Variants in SGCD observed in about 807,000 individuals in gnomAD.
SGCD encodes the protein delta-sarcoglycan.
In SGCD, 18 loss-of-function variants were observed where a neutral mutation model predicts 36.6. The ratio of observed to expected loss-of-function variants is 0.49; its 90% CI spans 0.34 to 0.73. The LOEUF (loss-of-function observed/expected upper bound fraction) is 0.73, where lower values mean the gene tolerates loss of function less well. SGCD is among the 30% of genes least tolerant of loss of function. The probability of loss-of-function intolerance (pLI) is 0.01; values close to 1 mark genes in which losing one functional copy is unlikely to be tolerated. For synonymous variants in SGCD, 133 were observed against 130.6 expected (o/e 1.02, Z -0.12); for missense variants, 387 against 346.7 (o/e 1.12, Z -0.92).
intron 6 of SGCD, among the ~76,000 whole-genome samples, chr5:156,617,766 A>C (rs1280626602): frequency 1.3e-5 from 2 of 152,190 alleles, no homozygotes; most frequent in African/African-American, 4.8e-5. Flanking sequence ...CTTTATCTGA[A>C]GAAGGCTCCA....
At chr5:155,922,632 G>A (rs576720617) in intron 1 of SGCD, among the ~76,000 whole-genome samples, 10 of 152,268 alleles carry the variant, frequency 6.6e-5, no homozygotes, top group African/African-American at 2.4e-4. Flanking sequence ...CAATATTTCT[G>A]AGTGGCTTGA....
intron 3 of SGCD, among the ~76,000 whole-genome samples, chr5:156,401,003 C>T (rs1262483472): frequency 6.6e-6 from 1 of 152,162 alleles, no homozygotes; most frequent in Non-Finnish European, 1.5e-5. Context: ...TCATTCAGCT[C>T]AATGCTGATT....
chr5:155,931,074 TA>T (rs1757090181), intron 1 of SGCD, among the ~76,000 whole-genome samples: 1 of 152,180 alleles, frequency 6.6e-6, no homozygotes, highest in South Asian at 2.1e-4. Flanking sequence ...ATGGGTTTTT[TA>T]ATATGTTGAT....
chr5:156,569,428 C>T (rs1030860947), intron 4 of SGCD, among the ~76,000 whole-genome samples: 3 of 151,966 alleles, frequency 2.0e-5, no homozygotes, highest in Non-Finnish European at 4.4e-5. Flanking sequence ...CCTGTCTCTA[C>T]TAAAAATACA....
At chr5:155,853,994 T>C in the SGCD span, among the ~76,000 whole-genome samples, 1 of 152,240 alleles carries the variant, frequency 6.6e-6, no homozygotes, top group Non-Finnish European at 1.5e-5. Context: ...GCCTTCTTCA[T>C]GTACACTTCT....
At chr5:155,772,826 C>T in the SGCD span, among the ~76,000 whole-genome samples, 3 of 152,036 alleles carry the variant, frequency 2.0e-5, no homozygotes, top group East Asian at 3.9e-4. Flanking sequence ...CCTACTAACC[C>T]CTATTGAAAT....
chr5:155,729,591 T>C, the SGCD span, among the ~76,000 whole-genome samples: 2 of 152,160 alleles, frequency 1.3e-5, no homozygotes, highest in Non-Finnish European at 2.9e-5. Flanking sequence ...GGGCGCACAA[T>C]ACAGGGTGTC....
At chr5:156,119,696 C>T (rs1231383195) in intron 2 of SGCD, among the ~76,000 whole-genome samples, 1 of 152,110 alleles carries the variant, frequency 6.6e-6, no homozygotes, top group Non-Finnish European at 1.5e-5. Context: ...ATACCTTCTG[C>T]TGCTCCCACT....
chr5:156,098,530 A>T (rs1320676828), intron 1 of SGCD, among the ~76,000 whole-genome samples: 3 of 152,062 alleles, frequency 2.0e-5, no homozygotes, highest in African/African-American at 7.2e-5. Flanking sequence ...GTTTATATAG[A>T]GTATTACACA....
chr5:155,993,426 C>T (rs534764305), intron 1 of SGCD, among the ~76,000 whole-genome samples: 1 of 150,162 alleles, frequency 6.7e-6, no homozygotes, highest in African/African-American at 2.5e-5. Context: ...CTTACTGCAA[C>T]CTCTGCCTCC....
intron 1 of SGCD, among the ~76,000 whole-genome samples, chr5:155,915,072 T>A (rs1756708311): frequency 6.6e-6 from 1 of 152,140 alleles, no homozygotes; most frequent in South Asian, 2.1e-4. Flanking sequence ...GAAGATGCAA[T>A]CCCTGCTCTT....
chr5:156,133,094 C>T (rs74441896), intron 3 of SGCD, among the ~76,000 whole-genome samples: 3,065 of 152,184 alleles, frequency 0.02, 44 homozygotes, highest in Non-Finnish European at 0.034. Context: ...TCAATTTCCT[C>T]GAATGTAAAA....
chr5:156,744,240 C>T (rs1286139085), intron 7 of SGCD, among the ~76,000 whole-genome samples: 3 of 152,158 alleles, frequency 2.0e-5, no homozygotes, highest in Non-Finnish European at 4.4e-5. Context: ...TCCCAAAATC[C>T]TTCCCTGAGT....
chr5:156,423,400 ATT>A lies in SGCD; in HGVS notation c.192+78724_192+78725del, dbSNP rs1561685997. 4.9e-4 allele frequency among the ~76,000 whole-genome samples: 45 copies of A among 91,954 alleles called. 2 individuals are homozygous for A. The highest frequency in any genetic ancestry group is 2.0e-3 in the African/African-American group (41 of 20,772). The allele number at this position is 91,954 out of a possible 152,430, so 60.3% of individuals were successfully genotyped here. On this transcript the variant is annotated intron_variant, in intron 3 of 8. Coordinates refer to ENST00000337851, the MANE Select transcript of SGCD (RefSeq NM_000337.6). Reference sequence around the variant, plus strand: ...ATTATAATATAATATATTATATTTTATTATAATATAATATATTATATTTTAAT... The same window carrying A: ...ATTATAATATAATATATTATATTTTAATAATATAATATATTATATTTTAAT...
At chr5:156,113,875 T>TAA (rs1761849292) in intron 1 of SGCD, among the ~76,000 whole-genome samples, 1 of 152,172 alleles carries the variant, frequency 6.6e-6, no homozygotes. Flanking sequence ...GGAGGAACCT[T>TAA]AAAAGTGTAT....
At chr5:155,821,930 G>T in the SGCD span, among the ~76,000 whole-genome samples, 3 of 152,184 alleles carry the variant, frequency 2.0e-5, no homozygotes, top group Non-Finnish European at 4.4e-5. Context: ...CTATATGATG[G>T]TTACTACATG....
chr5:155,974,912 T>C (rs1487628865), intron 1 of SGCD, among the ~76,000 whole-genome samples: 1 of 152,056 alleles, frequency 6.6e-6, no homozygotes, highest in East Asian at 1.9e-4. Flanking sequence ...AGTACTATTA[T>C]CTCTTCTTTT....
intron 3 of SGCD, among the ~76,000 whole-genome samples, chr5:156,139,536 G>T (rs1435722253): frequency 1.3e-5 from 2 of 152,056 alleles, no homozygotes; most frequent in Admixed American, 1.3e-4. Flanking sequence ...GAAATGCTTT[G>T]TCTCTCTGGA....
chr5:155,810,611 A>G, the SGCD span, among the ~76,000 whole-genome samples: 2 of 152,080 alleles, frequency 1.3e-5, no homozygotes, highest in African/African-American at 4.8e-5. Flanking sequence ...AATAAAGATA[A>G]AATGAAGAGC....
Sources: gnomAD v4.1 joint callset for allele counts (sites outside exome capture counted in the v4.1 genomes callset) on GRCh38, gnomAD v4.1.1 for gene constraint, MANE v1.5 for transcripts, NCBI Gene and HGNC (gene_info 2026-07-23, HGNC 2026-07-21) for gene names.